TUBGCP3: variants seen among roughly 807,000 people sequenced by gnomAD.
TUBGCP3 encodes the protein tubulin gamma complex component 3, also known as gamma-tubulin complex component 3.
Under a neutral mutation model 123.1 loss-of-function variants are expected in TUBGCP3, and 50 were observed. That is an observed-to-expected ratio of 0.41 (90% CI 0.32 to 0.51). The LOEUF is 0.51. TUBGCP3 is among the 20% of genes least tolerant of loss of function. The probability of loss-of-function intolerance (pLI) is 0.36; values close to 1 mark genes in which losing one functional copy is unlikely to be tolerated. For synonymous variants in TUBGCP3, 405 were observed against 413.9 expected, an observed-to-expected ratio of 0.98 and a Z score of 0.26; for missense variants, 882 against 1,127.0, an observed-to-expected ratio of 0.78 and a Z score of 3.11.
At chr13:112,543,821 A>AT (rs1264323532) in intron 11 of TUBGCP3, among the ~76,000 whole-genome samples, 1 of 152,226 alleles carries the variant, frequency 6.6e-6, no homozygotes, top group Non-Finnish European at 1.5e-5. Context: ...ATATATAAAA[A>AT]TTTGAAAATA....
intron 19 of TUBGCP3, among the ~76,000 whole-genome samples, chr13:112,501,400 G>A (rs554444907): frequency 2.3e-4 from 35 of 152,154 alleles, no homozygotes; most frequent in Non-Finnish European, 4.1e-4. Flanking sequence ...AGGCTGCCAG[G>A]CAGGGCTCTG....
chr13:112,550,925 C>T (rs1023325825), intron 8 of TUBGCP3, among the ~76,000 whole-genome samples: 4 of 152,082 alleles, frequency 2.6e-5, no homozygotes, highest in Admixed American at 2.6e-4. Flanking sequence ...AGTGAAACCC[C>T]GTCTCTATTA....
chr13:112,561,617 G>C (rs1365552145), intron 3 of TUBGCP3, among the ~76,000 whole-genome samples: 1 of 152,188 alleles, frequency 6.6e-6, no homozygotes. Flanking sequence ...AGCAGGCAGC[G>C]TGCGGGTGGA....
upstream of TUBGCP3, among the ~76,000 whole-genome samples, chr13:112,590,497 AT>A (rs1311242918): frequency 3.3e-5 from 5 of 151,842 alleles, no homozygotes; most frequent in Non-Finnish European, 7.4e-5. Flanking sequence ...TGGCAACTAG[AT>A]TTTTTCAGCT....
Position 112,544,198 on chromosome 13 carries a change from A to C in TUBGCP3, c.1335+1501T>G, listed in dbSNP as rs553782411. On this transcript the variant is annotated intron_variant, in intron 11 of 21. Coordinates refer to ENST00000261965, the MANE Select transcript of TUBGCP3 (RefSeq NM_006322.6). ...GCCGGGCGCAGTGGCTCACGCCTGT[A>C]ATCCCAGCACTTTGGGAGGCCAAGG... Among the ~76,000 whole-genome samples the C allele has an allele frequency of 3.3e-5, 5 of 152,162 alleles. No homozygotes were observed. In the East Asian group the frequency reaches 7.8e-4, roughly 24 times the overall value.
At chr13:112,526,107 A>G (rs1877040798) in intron 13 of TUBGCP3, among the ~76,000 whole-genome samples, 1 of 151,986 alleles carries the variant, frequency 6.6e-6, no homozygotes, top group South Asian at 2.1e-4. Context: ...CATCCATCAC[A>G]ATTATCATTG....
chr13:112,552,897 C>G (rs1879705177), intron 8 of TUBGCP3, among the ~76,000 whole-genome samples: 1 of 151,710 alleles, frequency 6.6e-6, no homozygotes, highest in African/African-American at 2.4e-5. Context: ...CAGCCATGCT[C>G]CTACTCAGCA....
At chr13:112,572,151 C>A (rs1881448681) in intron 1 of TUBGCP3, among the ~76,000 whole-genome samples, 1 of 152,204 alleles carries the variant, frequency 6.6e-6, no homozygotes. Flanking sequence ...CCTAGCTTCT[C>A]GCGTATCTCA....
intron 17 of TUBGCP3, among the ~76,000 whole-genome samples, chr13:112,514,897 A>G (rs1250412690): frequency 6.6e-6 from 1 of 152,232 alleles, no homozygotes; most frequent in Admixed American, 6.5e-5. Context: ...CTACATGTCC[A>G]GGCAAAGAGA....
At chr13:112,597,516 A>G in the TUBGCP3 span, among the ~76,000 whole-genome samples, 2 of 152,202 alleles carry the variant, frequency 1.3e-5, no homozygotes, top group African/African-American at 2.4e-5. Flanking sequence ...AACAACAGAA[A>G]ACTAGAAAGA....
At chr13:112,533,244 C>T (rs556724321) in intron 11 of TUBGCP3, among the ~76,000 whole-genome samples, 4 of 152,350 alleles carry the variant, frequency 2.6e-5, no homozygotes, top group East Asian at 1.9e-4. Flanking sequence ...AAGAGGGAGA[C>T]GCACCGCGTC....
intron 8 of TUBGCP3, 102 bp from the exon 9 acceptor site, chr13:112,548,278 T>C (rs1458605134): frequency 1.3e-6 from 1 of 743,330 alleles, no homozygotes. Flanking sequence ...TCAGGTGGGG[T>C]GCTACAAGAT....
At chr13:112,539,588 C>T (rs1293354016) in intron 11 of TUBGCP3, among the ~76,000 whole-genome samples, 3 of 152,166 alleles carry the variant, frequency 2.0e-5, no homozygotes, top group African/African-American at 7.2e-5. Flanking sequence ...GACAAAATGA[C>T]TAGCAAATTT....
chr13:112,585,117 T>A (rs994193776), intron 1 of TUBGCP3, among the ~76,000 whole-genome samples: 3 of 152,212 alleles, frequency 2.0e-5, no homozygotes, highest in African/African-American at 7.2e-5. Flanking sequence ...AAGTAACAAG[T>A]ACCTATTATG....
chr13:112,544,534 A>G (rs780903738), intron 11 of TUBGCP3: 5 of 152,112 alleles, frequency 3.3e-5, no homozygotes, highest in Non-Finnish European at 7.3e-5. Flanking sequence ...AGAAACTCAT[A>G]AATACGTGCA....
intron 19 of TUBGCP3, among the ~76,000 whole-genome samples, chr13:112,503,086 A>T (rs1454630182): frequency 6.6e-6 from 1 of 152,172 alleles, no homozygotes; most frequent in Middle Eastern, 3.2e-3. Context: ...ACAGGCCCTG[A>T]GGAGAGTGCA....
chr13:112,543,304 A>G (rs1010824584), intron 11 of TUBGCP3, among the ~76,000 whole-genome samples: 6 of 152,270 alleles, frequency 3.9e-5, no homozygotes, highest in Non-Finnish European at 7.3e-5. Flanking sequence ...GAAAAACTTG[A>G]GGTAACCATT....
At position 112,545,705 on chromosome 13, in the gene TUBGCP3, G is replaced by GT; in HGVS notation, c.1328dup (p.Tyr443Ter). 1 of 1,612,176 alleles carries GT rather than the reference G, an allele frequency of 6.2e-7. No homozygotes were observed. The highest frequency in any genetic ancestry group is 8.5e-7 in the Non-Finnish European group (1 of 1,178,298). Reference protein sequence around the residue: ...WIYDGELEDTYHEFFVASDPT... With the variant: ...WIYDGELEDT ...ACCGAACACCGATCCTTACTTCGTG[G>GT]TAAGTGTCCTCAAGCTCCCCATCAT... Residue 443 changes from tyrosine (Y) to a stop codon, truncating the protein, a stop_gained and frameshift_variant, in exon 11 of 22, where the codon TAC becomes TAAC. Coordinates refer to ENST00000261965, the MANE Select transcript of TUBGCP3 (RefSeq NM_006322.6). LOFTEE classifies it high-confidence loss of function. This position sits in a 1 kb window ranked among gnomAD's most constrained non-coding sequence, Gnocchi z 4.1.
chr13:112,491,060 A>C (rs138118309), intron 20 of TUBGCP3, among the ~76,000 whole-genome samples: 52 of 152,218 alleles, frequency 3.4e-4, no homozygotes, highest in African/African-American at 1.2e-3. Context: ...TCTCAGATTC[A>C]TTCATGGCTT....
Sources: allele counts gnomAD v4.1 joint callset (sites outside exome capture counted in the v4.1 genomes callset), GRCh38; gene constraint gnomAD v4.1.1; non-coding constraint Gnocchi (gnomAD v3.1); transcripts MANE v1.5; gene names NCBI Gene and HGNC (gene_info 2026-07-23, HGNC 2026-07-21).